Variants in ELAVL1 observed in about 807,000 individuals in gnomAD.
ELAVL1 encodes ELAV-like protein 1.
ELAVL1 carries 1 observed loss-of-function variant against 28.4 expected under a neutral mutation model. The observed-to-expected ratio is 0.04, with a 90% CI of 0.01 to 0.17. The LOEUF is 0.17. ELAVL1 is among the 10% of genes least tolerant of loss of function. The pLI is 1.00. For missense variants in ELAVL1, 157 were observed against 447.2 expected, an observed-to-expected ratio of 0.35 and a Z score of 5.85; for synonymous variants, 174 against 183.5, an observed-to-expected ratio of 0.95 and a Z score of 0.42.
At chr19:7,969,725 T>C (rs1448329303) in intron 4 of ELAVL1, among the ~76,000 whole-genome samples, 1 of 152,086 alleles carries the variant, frequency 6.6e-6, no homozygotes, top group Non-Finnish European at 1.5e-5. Context: ...ATGGCTTCAT[T>C]CTGTTTCTAA....
intron 2 of ELAVL1, among the ~76,000 whole-genome samples, chr19:7,986,745 G>A (rs1985612173): frequency 1.3e-5 from 2 of 152,184 alleles, no homozygotes; most frequent in African/African-American, 2.4e-5. Flanking sequence ...CTATGCGACC[G>A]ATGATGATGG....
At chr19:7,968,761 G>A (rs1009351116) in intron 4 of ELAVL1, among the ~76,000 whole-genome samples, 1 of 152,228 alleles carries the variant, frequency 6.6e-6, no homozygotes, top group African/African-American at 2.4e-5. Context: ...GGTGGAAGGA[G>A]AGCATGGCTG....
chr19:7,984,193 G>A (rs1985540216), intron 2 of ELAVL1, among the ~76,000 whole-genome samples: 3 of 152,160 alleles, frequency 2.0e-5, no homozygotes, highest in Admixed American at 2.0e-4. Context: ...CGCATTAACT[G>A]AGCACCTACT....
chr19:7,968,668 C>A (rs1469226562), intron 4 of ELAVL1, among the ~76,000 whole-genome samples: 2 of 152,370 alleles, frequency 1.3e-5, no homozygotes, highest in South Asian at 2.1e-4. Flanking sequence ...AATCCCTGGA[C>A]GGAGCAGTGT....
chr19:7,972,684 T>A (rs138263704), intron 4 of ELAVL1, among the ~76,000 whole-genome samples: 33 of 151,714 alleles, frequency 2.2e-4, no homozygotes, highest in Non-Finnish European at 1.8e-4. Flanking sequence ...TGAAGTGTAG[T>A]GGCGCGATCA....
At chr19:7,970,665 G>A (rs1439408788) in intron 4 of ELAVL1, among the ~76,000 whole-genome samples, 1 of 152,148 alleles carries the variant, frequency 6.6e-6, no homozygotes, top group Admixed American at 6.5e-5. Context: ...CACAATTAAG[G>A]TGGATATAGA....
At chr19:7,996,087 G>A (rs779912257) in intron 1 of ELAVL1, among the ~76,000 whole-genome samples, 33 of 151,784 alleles carry the variant, frequency 2.2e-4, no homozygotes, top group Non-Finnish European at 3.4e-4. Context: ...TGTTGCCCAC[G>A]CTGGTCTTGA....
At chr19:7,975,696 T>C (rs937357929) in intron 3 of ELAVL1, among the ~76,000 whole-genome samples, 5 of 152,206 alleles carry the variant, frequency 3.3e-5, no homozygotes, top group African/African-American at 9.7e-5. Context: ...CCTAACCCCT[T>C]GGGACCTCAA....
At chr19:8,002,078 C>G in intron 1 of ELAVL1, 4 of 1,289,364 alleles carry the variant, frequency 3.1e-6, no homozygotes, top group Non-Finnish European at 3.0e-6. Flanking sequence ...AAGCCCTCTG[C>G]CCAGTGGACA....
intron 1 of ELAVL1, among the ~76,000 whole-genome samples, chr19:8,000,516 T>C (rs2081063999): frequency 6.6e-6 from 1 of 152,200 alleles, no homozygotes; most frequent in African/African-American, 2.4e-5. Context: ...AAATCTATCT[T>C]CAGGCTCAAT....
At chr19:7,984,592 T>G (rs1985551606) in intron 2 of ELAVL1, among the ~76,000 whole-genome samples, 1 of 152,082 alleles carries the variant, frequency 6.6e-6, no homozygotes, top group African/African-American at 2.4e-5. Flanking sequence ...GCCAGGGCAG[T>G]AGAGGAATGC....
At chr19:8,003,212 A>C (rs922974534) in intron 1 of ELAVL1, among the ~76,000 whole-genome samples, 22 of 151,090 alleles carry the variant, frequency 1.5e-4, no homozygotes, top group African/African-American at 5.1e-4. Context: ...ACAAGGCGAA[A>C]TCCCACCTCT....
chr19:7,992,941 G>A (rs1340677012), intron 1 of ELAVL1, among the ~76,000 whole-genome samples: 1 of 152,124 alleles, frequency 6.6e-6, no homozygotes, highest in Non-Finnish European at 1.5e-5. Context: ...ACGCCCGGCT[G>A]ATTTTTAAAA....
rs544438055 is a variant in ELAVL1, at chr19:7,971,311, A to C, written c.430+2414T>G. Among the ~76,000 whole-genome samples the C allele has an allele frequency of 2.6e-5, 4 of 152,302 alleles. No individual in the cohort carries two copies. The East Asian group carries it at 7.7e-4, about 29-fold the overall frequency. On this transcript the variant is annotated intron_variant, in intron 4 of 5. Transcript: ENST00000407627. ...ATGTTCTCAGGCATTGGGGGCTCCAAGTGGAGCACAGGCTTCCCTCATCAG... is the reference window on the plus strand; with the variant it reads ...ATGTTCTCAGGCATTGGGGGCTCCACGTGGAGCACAGGCTTCCCTCATCAG...
At chr19:7,978,634 A>C (rs1985369190) in intron 3 of ELAVL1, among the ~76,000 whole-genome samples, 1 of 152,244 alleles carries the variant, frequency 6.6e-6, no homozygotes, top group East Asian at 1.9e-4. Flanking sequence ...CTTTATAAAC[A>C]AACTGTCATC....
At chr19:7,969,758 G>A (rs995501660) in intron 4 of ELAVL1, among the ~76,000 whole-genome samples, 2 of 152,160 alleles carry the variant, frequency 1.3e-5, no homozygotes, top group African/African-American at 4.8e-5. Flanking sequence ...CCAGCGGAGA[G>A]AAGGCACGTG....
At chr19:7,992,786 A>G (rs1985786773) in intron 1 of ELAVL1, among the ~76,000 whole-genome samples, 1 of 152,204 alleles carries the variant, frequency 6.6e-6, no homozygotes, top group Non-Finnish European at 1.5e-5. Flanking sequence ...ACCAAGAATA[A>G]CAGAGGTACC....
At chr19:8,000,229 G>C (rs1000535777) in intron 1 of ELAVL1, among the ~76,000 whole-genome samples, 13 of 152,194 alleles carry the variant, frequency 8.5e-5, no homozygotes, top group African/African-American at 3.1e-4. Flanking sequence ...CTGGCCTCTG[G>C]GAGAAGTCTT....
Position 7,973,564 on chromosome 19 carries a change from C to T in ELAVL1, c.430+161G>A, listed in dbSNP as rs1599667811. The T allele has an allele frequency of 3.4e-6, 3 of 873,526 alleles. No individual in the cohort carries two copies. In the East Asian group the frequency reaches 8.0e-5, roughly 23 times the overall value. The allele number at this position is 873,526 out of a possible 1,614,324, so 54.1% of individuals were successfully genotyped here. ...TTCTTTTAATGCCATCTTACCTCCT[C>T]AGCCTCCTCAAACCAAAGCCAACGT... On this transcript the variant is annotated intron_variant, in intron 4 of 5. Transcript: ENST00000407627.
Sources: allele counts gnomAD v4.1 joint callset (sites outside exome capture counted in the v4.1 genomes callset), GRCh38; gene constraint gnomAD v4.1.1; transcripts MANE v1.5; gene names NCBI Gene and HGNC (gene_info 2026-07-23, HGNC 2026-07-21).